The following DLGAP2 variants were observed in gnomAD, a reference collection of about 807,000 sequenced individuals.
DLGAP2 encodes DLG associated protein 2, also known as disks large-associated protein 2.
DLGAP2 carries 26 observed loss-of-function variants against 100.3 expected under a neutral mutation model. That is an observed-to-expected ratio of 0.26 (90% confidence interval 0.19 to 0.36). The LOEUF is 0.36. Ranked by LOEUF, DLGAP2 falls within the 10% of genes least tolerant of loss-of-function variation. The pLI is 1.00. For missense variants in DLGAP2, 1,858 were observed against 1,453.2 expected (o/e 1.28, Z -4.53); for synonymous variants, 886 against 630.1 (o/e 1.41, Z -6.08).
rs1305548718 is a variant in DLGAP2, at chr8:1,702,888, C to G, written c.*1482C>G. The G allele has an allele frequency of 6.6e-6, 1 of 152,660 alleles. No homozygotes were observed. Among genetic ancestry groups the G allele is most frequent in the Non-Finnish European group, 1.5e-5 (1 of 68,048 alleles). 9.5% of individuals were successfully genotyped at this position (152,660 alleles called of 1,614,324 possible). On this transcript the variant is annotated 3_prime_UTR_variant, in exon 15 of 15. Transcript: ENST00000637795. ...TCCACCCCAATACCTGGTCTTCCTT[C>G]CCGGCTTAAGGAGTACCATGTACTT...
At chr8:1,683,952 G>GTGTA (rs1238183348) in intron 12 of DLGAP2, among the ~76,000 whole-genome samples, 1 of 20,346 alleles carries the variant, frequency 4.9e-5, no homozygotes, top group Non-Finnish European at 8.2e-5. Context: ...ATATATATGT[G>GTGTA]TGTATATATA....
intron 10 of DLGAP2, among the ~76,000 whole-genome samples, chr8:1,673,944 G>A (rs958677200): frequency 3.3e-5 from 5 of 152,268 alleles, no homozygotes; most frequent in African/African-American, 4.8e-5. Flanking sequence ...CTGTGACTGC[G>A]AGTGTCTCTA....
intron 2 of DLGAP2, among the ~76,000 whole-genome samples, chr8:1,236,378 A>C (rs1444008535): frequency 6.6e-5 from 2 of 30,226 alleles, no homozygotes; most frequent in African/African-American, 1.7e-4. Flanking sequence ...GTGTCTAGTT[A>C]CCTATCACAT....
At chr8:1,036,852 A>T (rs1229069322) in intron 2 of DLGAP2, among the ~76,000 whole-genome samples, 1 of 152,142 alleles carries the variant, frequency 6.6e-6, no homozygotes, top group Non-Finnish European at 1.5e-5. Flanking sequence ...ATAAAAGGTG[A>T]TGCCCTGCTC....
At chr8:1,696,285 G>C (rs1799396764) in intron 13 of DLGAP2, among the ~76,000 whole-genome samples, 1 of 152,172 alleles carries the variant, frequency 6.6e-6, no homozygotes, top group Non-Finnish European at 1.5e-5. Context: ...AGGGTTGCTT[G>C]AGCCCAGGAG....
intron 2 of DLGAP2, among the ~76,000 whole-genome samples, chr8:1,182,316 G>C (rs1449959390): frequency 2.0e-5 from 3 of 152,254 alleles, no homozygotes; most frequent in African/African-American, 7.2e-5. Flanking sequence ...CCTTGACTGT[G>C]GCAGTGCTCA....
chr8:1,338,693 A>G (rs1246272526), intron 3 of DLGAP2, among the ~76,000 whole-genome samples: 2 of 152,248 alleles, frequency 1.3e-5, no homozygotes, highest in South Asian at 2.1e-4. Flanking sequence ...TCTGTACAGT[A>G]TCAGGAGCAT....
intron 10 of DLGAP2, among the ~76,000 whole-genome samples, chr8:1,670,462 C>T (rs1585049092): frequency 6.6e-6 from 1 of 152,218 alleles, no homozygotes; most frequent in Non-Finnish European, 1.5e-5. Flanking sequence ...TACCCCTTCC[C>T]GGAGGCCTCT....
At chr8:1,251,130 C>G (rs1799030284) in intron 2 of DLGAP2, among the ~76,000 whole-genome samples, 1 of 152,178 alleles carries the variant, frequency 6.6e-6, no homozygotes, top group Admixed American at 6.5e-5. Flanking sequence ...CCTTCCCTAA[C>G]CCGTGCAACA....
At chr8:1,303,148 A>C (rs1800399780) in intron 3 of DLGAP2, among the ~76,000 whole-genome samples, 1 of 152,338 alleles carries the variant, frequency 6.6e-6, no homozygotes, top group Non-Finnish European at 1.5e-5. Flanking sequence ...CTGTAATCCC[A>C]GCACTTTGGA....
intron 2 of DLGAP2, among the ~76,000 whole-genome samples, chr8:1,060,574 A>G (rs1803050890): frequency 6.6e-6 from 1 of 152,334 alleles, no homozygotes; most frequent in Middle Eastern, 3.4e-3. Context: ...GCTCTAATCC[A>G]GGATGACCTC....
intron 2 of DLGAP2, among the ~76,000 whole-genome samples, chr8:1,060,018 G>C (rs1022254723): frequency 2.8e-4 from 43 of 152,316 alleles, no homozygotes; most frequent in African/African-American, 9.6e-4. Context: ...TGGTCGCTGG[G>C]ATGGCTGGGT....
chr8:1,378,208 T>TCACCTGTGTGTCCTGCA (rs1283771204), intron 3 of DLGAP2: 61 of 181,508 alleles, frequency 3.4e-4, no homozygotes, highest in Non-Finnish European at 6.4e-4. Context: ...ACACCTGACC[T>TCACCTGTGTGTCCTGCA]CACCTGTGTG....
At position 1,272,640 on chromosome 8, in the gene DLGAP2, G is replaced by T. The variant is rs140218037; in HGVS notation, c.106+13757G>T. The stretch of plus-strand genomic sequence containing the variant: ...GCTGTGGAAGGGAATAATCAAGTGT[G>T]AAGCGCTGGACATGGGAGATTCGTT... On this transcript the variant is annotated intron_variant, in intron 3 of 14. Transcript: ENST00000637795. 9.7e-4 allele frequency among the ~76,000 whole-genome samples: 147 copies of T among 152,276 alleles called. 1 individual carries two copies. The highest frequency in any genetic ancestry group is 3.4e-3 in the African/African-American group (140 of 41,566).
At chr8:780,600 G>C (rs943611027) in intron 1 of DLGAP2, among the ~76,000 whole-genome samples, 1 of 152,208 alleles carries the variant, frequency 6.6e-6, no homozygotes, top group African/African-American at 2.4e-5. Flanking sequence ...GTGAACGTGA[G>C]TCCCCTTCAC....
At chr8:1,392,303 G>A (rs1309347362) in intron 3 of DLGAP2, among the ~76,000 whole-genome samples, 3 of 152,108 alleles carry the variant, frequency 2.0e-5, no homozygotes, top group Admixed American at 6.5e-5. Flanking sequence ...CCTGGGTTGA[G>A]GCGCCATCTG....
At chr8:1,557,134 C>T (rs1801992621) in intron 5 of DLGAP2, among the ~76,000 whole-genome samples, 2 of 152,164 alleles carry the variant, frequency 1.3e-5, no homozygotes, top group Admixed American at 1.3e-4. Context: ...GGAAGCACCC[C>T]CATTTAGTGA....
At chr8:1,264,674 TC>T (rs925926429) in intron 3 of DLGAP2, among the ~76,000 whole-genome samples, 1 of 152,100 alleles carries the variant, frequency 6.6e-6, no homozygotes, top group Non-Finnish European at 1.5e-5. Context: ...TCAAAGGACT[TC>T]TCCACTATAA....
chr8:1,227,586 C>T (rs2116826569), intron 2 of DLGAP2, among the ~76,000 whole-genome samples: 1 of 152,092 alleles, frequency 6.6e-6, no homozygotes, highest in Middle Eastern at 3.4e-3. Flanking sequence ...CTCCACCTCC[C>T]AGGTTCAAGC....
Sources: gnomAD v4.1 joint callset for allele counts (sites outside exome capture counted in the v4.1 genomes callset) on GRCh38, gnomAD v4.1.1 for gene constraint, MANE v1.5 for transcripts, NCBI Gene and HGNC (gene_info 2026-07-23, HGNC 2026-07-21) for gene names.